Variants in RERE observed in about 807,000 individuals in gnomAD.
RERE encodes arginine-glutamic acid dipeptide repeats protein.
RERE carries 40 observed loss-of-function variants against 146.1 expected under a neutral mutation model. That is an observed-to-expected ratio of 0.27 (90% CI 0.21 to 0.36). RERE has a LOEUF of 0.36. Among genes scored for constraint, RERE ranks in the 10% least tolerant of loss-of-function variants. The pLI is 1.00. For synonymous variants in RERE, 1,003 were observed against 866.0 expected, an observed-to-expected ratio of 1.16 and a Z score of -2.78; for missense variants, 1,933 against 2,138.7, an observed-to-expected ratio of 0.90 and a Z score of 1.90.
At chr1:8,795,315 C>T (rs1641446714) in intron 1 of RERE, among the ~76,000 whole-genome samples, 1 of 151,664 alleles carries the variant, frequency 6.6e-6, no homozygotes, top group African/African-American at 2.4e-5. Context: ...TAAGCCACCG[C>T]CCCCGGCCCC....
chr1:8,605,199 A>C (rs568728657), intron 4 of RERE, among the ~76,000 whole-genome samples: 34 of 152,238 alleles, frequency 2.2e-4, no homozygotes, highest in African/African-American at 8.2e-4. Flanking sequence ...GTGCGATGGC[A>C]TGATCTCACT....
At chr1:8,754,717 T>TA (rs1162281295) in intron 1 of RERE, among the ~76,000 whole-genome samples, 1 of 152,224 alleles carries the variant, frequency 6.6e-6, no homozygotes, top group African/African-American at 2.4e-5. Context: ...ATTTAAAACA[T>TA]AAAGATTTTC....
intron 7 of RERE, among the ~76,000 whole-genome samples, chr1:8,516,481 C>A (rs1033418507): frequency 5.9e-5 from 9 of 151,994 alleles, no homozygotes; most frequent in Admixed American, 6.6e-5. Flanking sequence ...TAAGCAATTT[C>A]CATTTATTTT....
intron 20 of RERE, among the ~76,000 whole-genome samples, chr1:8,357,793 G>A (rs1641354804): frequency 1.3e-5 from 2 of 152,224 alleles, no homozygotes; most frequent in African/African-American, 4.8e-5. Context: ...AAGGGAAGAG[G>A]ACTGTGCTTT....
rs1455898129 is a variant in RERE, at chr1:8,614,830, A to G, written c.397-144T>C. On this transcript the variant is annotated intron_variant, in intron 3 of 22. Coordinates refer to ENST00000400908, the MANE Select transcript of RERE (RefSeq NM_001042681.2). ...ACCTCAGATAATTTGTTCTACCACT[A>G]AAGTTAACCTTTTTGCATTAATCAA... 3.3e-6 allele frequency: 3 copies of G among 911,322 alleles called. 1 individual carries two copies. Among genetic ancestry groups the G allele is most frequent in the South Asian group, 3.6e-5 (2 of 54,884 alleles). 56.5% of individuals were successfully genotyped at this position (911,322 alleles called of 1,614,324 possible).
intron 4 of RERE, among the ~76,000 whole-genome samples, chr1:8,564,870 G>GTA (rs61426432): frequency 0.017 from 2,131 of 127,354 alleles, 35 homozygotes; most frequent in Middle Eastern, 0.035. Flanking sequence ...GTGTGTGTGT[G>GTA]TATATATATA....
At chr1:8,505,007 T>C (rs139437338) in intron 8 of RERE, among the ~76,000 whole-genome samples, 64 of 152,332 alleles carry the variant, frequency 4.2e-4, no homozygotes, top group African/African-American at 1.5e-3. Context: ...ATTTAACTAC[T>C]AATTCTCAAG....
rs1383767501 is a variant in RERE, at chr1:8,582,248, C to T, written c.523-24725G>A. Among the ~76,000 whole-genome samples, 5 of 152,032 alleles carry T rather than the reference C, an allele frequency of 3.3e-5. No individual in the cohort carries two copies. In the East Asian group the frequency reaches 5.8e-4, roughly 18 times the overall value. The stretch of plus-strand genomic sequence containing the variant: ...TCTTGCTGTGTTACCCAGGCTGCAG[C>T]GCAGTGGCTATCCACAGGGCTGATC... On this transcript the variant is annotated intron_variant, in intron 4 of 22. Transcript: ENST00000400908.
chr1:8,530,986 C>T (rs1645639770), intron 7 of RERE, among the ~76,000 whole-genome samples: 2 of 152,154 alleles, frequency 1.3e-5, no homozygotes, highest in South Asian at 2.1e-4. Context: ...CCACCGCGCC[C>T]GGCCTGAACT....
At chr1:8,686,264 T>G (rs191034864) in intron 1 of RERE, among the ~76,000 whole-genome samples, 1 of 152,152 alleles carries the variant, frequency 6.6e-6, no homozygotes, top group Non-Finnish European at 1.5e-5. Context: ...ATTACAGGTG[T>G]AAGCCACTGT....
At position 8,601,632 on chromosome 1, in the gene RERE, A is replaced by ACACC. The variant is rs1450410187; in HGVS notation, c.522+12928_522+12929insGGTG. ...GCCTTCATGTCCAAGGTCACCACAC[A>ACACC]CACACACACACACACACACACACAC... On this transcript the variant is annotated intron_variant, in intron 4 of 22. Transcript: ENST00000400908. Among the ~76,000 whole-genome samples the ACACC allele has an allele frequency of 2.3e-4, 21 of 90,438 alleles. No homozygotes were observed. In the East Asian group the frequency reaches 5.6e-3, roughly 24 times the overall value. 59.3% of individuals were successfully genotyped at this position (90,438 alleles called of 152,430 possible). A position where few individuals can be genotyped will look rare whatever the true frequency, so the allele number is the denominator to read the frequency against.
Position 8,601,487 on chromosome 1 carries a change from T to A in RERE, c.522+13074A>T, listed in dbSNP as rs2124139834. On this transcript the variant is annotated intron_variant, in intron 4 of 22. Coordinates refer to ENST00000400908, the MANE Select transcript of RERE (RefSeq NM_001042681.2). ...CACGTGACAGTGGGTGTCACTGTGG[T>A]GACAAGACTGTTTGAGAGTGGGAGG... Among the ~76,000 whole-genome samples, 2 of 152,212 alleles carry A rather than the reference T, an allele frequency of 1.3e-5. 1 individual carries two copies. The highest frequency in any genetic ancestry group is 4.1e-4 in the South Asian group (2 of 4,824).
chr1:8,364,144 G>A lies in RERE; in HGVS notation c.1652C>T (p.Pro551Leu), dbSNP rs1202296862. 14 of 1,614,022 alleles carry A rather than the reference G, an allele frequency of 8.7e-6. No individual in the cohort carries two copies. Among genetic ancestry groups the A allele is most frequent in the Non-Finnish European group, 9.3e-6 (11 of 1,180,016 alleles). The change falls in exon 15 of 23, where the codon CCG (proline) becomes CTG (leucine). Residue 551 changes from proline to leucine, a missense_variant. Pro to Leu is a moderately conservative substitution (Grantham distance 98, BLOSUM62 -3). This residue lies in a region of RERE where 260 missense variants were observed against 378.4 expected (regional missense o/e 0.69). Coordinates refer to ENST00000400908, the MANE Select transcript of RERE (RefSeq NM_001042681.2). This position sits in a 1 kb window ranked among gnomAD's most constrained non-coding sequence, Gnocchi z 5.1. ...ELPPIEKPVD[P>L]PPFMFKPVKE... ...GACGGGTTTGAACATAAACGGTGGC[G>A]GGTCCACGGGCTTCTCAATGGGCGG...
Position 8,423,052 on chromosome 1 carries a change from G to T in RERE, c.1204-245C>A, listed in dbSNP as rs1024520760. On this transcript the variant is annotated intron_variant, in intron 11 of 22. Coordinates refer to ENST00000400908, the MANE Select transcript of RERE (RefSeq NM_001042681.2). The surrounding 1 kb of genome is among the most constrained non-coding windows in gnomAD (Gnocchi z 5.4). Reference sequence around the variant, plus strand: ...AGGGCAGCGCGTTTAAGAGAAGGACGTCCTGCGTCTGAGGCTAAGAAGCAA... The same window carrying T: ...AGGGCAGCGCGTTTAAGAGAAGGACTTCCTGCGTCTGAGGCTAAGAAGCAA... The T allele has an allele frequency of 1.9e-5, 9 of 483,216 alleles. No homozygotes were observed. Among genetic ancestry groups the T allele is most frequent in the Non-Finnish European group, 3.0e-5 (8 of 263,520 alleles). The allele number at this position is 483,216 out of a possible 1,614,324, so 29.9% of individuals were successfully genotyped here. A position where few individuals can be genotyped will look rare whatever the true frequency, so the allele number is the denominator to read the frequency against.
intron 10 of RERE, among the ~76,000 whole-genome samples, chr1:8,490,770 G>A (rs1459450349): frequency 1.3e-5 from 2 of 150,288 alleles, no homozygotes; most frequent in Non-Finnish European, 2.9e-5. Context: ...TTGAAAACAC[G>A]ATACTTCAAT....
intron 1 of RERE, among the ~76,000 whole-genome samples, chr1:8,806,486 G>A (rs1186994655): frequency 2.0e-5 from 3 of 152,026 alleles, no homozygotes; most frequent in Non-Finnish European, 4.4e-5. Context: ...AGCTGAGATC[G>A]TCCAGCTTGG....
intron 9 of RERE, 126 bp downstream of exon 9, chr1:8,497,279 A>C: frequency 1.0e-6 from 1 of 1,000,532 alleles, no homozygotes; most frequent in Non-Finnish European, 1.5e-6. Context: ...AGAGGGTGTA[A>C]CCAAACTTAA....
chr1:8,423,587 C>A lies in RERE; in HGVS notation c.1204-780G>T. 1.0e-6 allele frequency: 1 copy of A among 985,272 alleles called. No homozygotes were observed. The highest frequency in any genetic ancestry group is 1.7e-5 in the African/African-American group (1 of 57,328). 61.0% of individuals were successfully genotyped at this position (985,272 alleles called of 1,614,324 possible). On this transcript the variant is annotated intron_variant, in intron 11 of 22. Coordinates refer to ENST00000400908, the MANE Select transcript of RERE (RefSeq NM_001042681.2). The surrounding 1 kb of genome is among the most constrained non-coding windows in gnomAD (Gnocchi z 5.4). ...TCGGGGCTCCCAGCCTGGTCCCGGGCGGCCGACCCCAGCAGCCACAGGTAA... is the reference window on the plus strand; with the variant it reads ...TCGGGGCTCCCAGCCTGGTCCCGGGAGGCCGACCCCAGCAGCCACAGGTAA...
At chr1:8,602,940 G>A in intron 4 of RERE, among the ~76,000 whole-genome samples, 1 of 152,110 alleles carries the variant, frequency 6.6e-6, no homozygotes, top group East Asian at 1.9e-4. Flanking sequence ...CAGACACTGG[G>A]GACAAAAAGG....
Sources: gnomAD v4.1 joint callset for allele counts (sites outside exome capture counted in the v4.1 genomes callset) on GRCh38, gnomAD v4.1.1 for gene constraint, gnomAD v4.1.1 regional missense constraint, Gnocchi (gnomAD v3.1) non-coding constraint, MANE v1.5 for transcripts, NCBI Gene and HGNC (gene_info 2026-07-23, HGNC 2026-07-21) for gene names.